SEPTIN10: variants seen among roughly 807,000 people sequenced by gnomAD.
SEPTIN10 encodes septin-10.
A neutral mutation model predicts 54.8 loss-of-function variants in SEPTIN10; 66 were observed. The observed-to-expected ratio is 1.21, with a 90% CI of 0.99 to 1.48. The LOEUF (loss-of-function observed/expected upper bound fraction) is 1.48, where lower values mean the gene tolerates loss of function less well. Among genes scored for constraint, SEPTIN10 ranks in the 40% most tolerant of loss-of-function variants. The probability of loss-of-function intolerance (pLI) is 0.00; values close to 1 mark genes in which losing one functional copy is unlikely to be tolerated. For synonymous variants in SEPTIN10, 161 were observed against 181.0 expected, an observed-to-expected ratio of 0.89 and a Z score of 0.89; for missense variants, 620 against 545.6, an observed-to-expected ratio of 1.14 and a Z score of -1.36.
At chr2:109,577,912 C>CAAAAAAAA (rs745439822) in intron 4 of SEPTIN10, among the ~76,000 whole-genome samples, 1 of 92,344 alleles carries the variant, frequency 1.1e-5, no homozygotes, top group African/African-American at 4.1e-5. Context: ...GACTTTGTCT[C>CAAAAAAAA]AAAAAAAAAA....
At chr2:109,595,174 C>T (rs1695042738) in intron 1 of SEPTIN10, among the ~76,000 whole-genome samples, 1 of 152,084 alleles carries the variant, frequency 6.6e-6, no homozygotes, top group Admixed American at 6.6e-5. Flanking sequence ...GGCCTGAGCC[C>T]CCACGCCCAG....
intron 4 of SEPTIN10, among the ~76,000 whole-genome samples, chr2:109,575,368 TAAGTA>T (rs1689452232): frequency 6.6e-6 from 1 of 152,242 alleles, no homozygotes; most frequent in African/African-American, 2.4e-5. Context: ...ACAAAAAGCC[TAAGTA>T]AAGAAGAAAG....
Position 109,565,781 on chromosome 2 carries a change from G to T in SEPTIN10, c.841C>A (p.Pro281Thr). The T allele has an allele frequency of 6.2e-7, 1 of 1,613,734 alleles. No individual in the cohort carries two copies. Among genetic ancestry groups the T allele is most frequent in the Non-Finnish European group, 8.5e-7 (1 of 1,179,870 alleles). ...CATTTACCTTGTACAACACCCCAAG[G>T]GTACTGGCGAGCTTTGACCATCTTG... ...GNKMVKARQY[P>T]WGVVQVENEN... The change falls in exon 7 of 11, where the codon CCT (proline) becomes ACT (threonine). Residue 281 changes from proline (P) to threonine (T), a missense_variant. By Grantham distance (38) the Pro-to-Thr change is conservative (BLOSUM62 -1). Coordinates refer to ENST00000397712, the MANE Select transcript of SEPTIN10 (RefSeq NM_144710.5).
chr2:109,567,686 T>C lies in SEPTIN10; in HGVS notation c.762+129A>G, dbSNP rs912648528. 7 of 938,644 alleles carry C rather than the reference T, an allele frequency of 7.5e-6. No individual in the cohort carries two copies. In the Admixed American group the frequency reaches 1.7e-4, roughly 23 times the overall value. The allele number at this position is 938,644 out of a possible 1,614,324, so 58.1% of individuals were successfully genotyped here. On this transcript the variant is annotated intron_variant, in intron 6 of 10. Transcript: ENST00000397712. The stretch of plus-strand genomic sequence containing the variant: ...TAAACATTTTCTCATACTGGACTTT[T>C]TGAAAATTCACCTTGTTTGAAGTCT...
At chr2:109,547,369 GT>G (rs35573327) in intron 9 of SEPTIN10, among the ~76,000 whole-genome samples, 3,987 of 117,814 alleles carry the variant, frequency 0.034, 131 homozygotes, top group African/African-American at 0.11. Flanking sequence ...TAATAAACTT[GT>G]TTTTTTTTTT....
chr2:109,588,024 G>A (rs1051238320), intron 2 of SEPTIN10, among the ~76,000 whole-genome samples: 1 of 151,938 alleles, frequency 6.6e-6, no homozygotes, highest in Admixed American at 6.6e-5. Flanking sequence ...CTCAGAAGGC[G>A]GACATTGCAG....
Position 109,585,825 on chromosome 2 carries a change from A to G in SEPTIN10, c.113T>C (p.Ile38Thr). ...ATGGCCAGACATAGTCAACGAACGA[A>G]TGTTTTCTCTTTTCTGAAGGAAAAT... ...SDDEQIKREN[I>T]RSLTMSGHVG... is the part of the protein sequence containing the mutation. The change falls in exon 3 of 11, where the codon ATT becomes ACT. Residue 38 changes from isoleucine to threonine, a missense_variant. Ile to Thr is a moderately conservative substitution (Grantham distance 89). Coordinates refer to ENST00000397712, the MANE Select transcript of SEPTIN10 (RefSeq NM_144710.5). 6.2e-7 allele frequency: 1 copy of G among 1,608,312 alleles called. No individual in the cohort carries two copies. The highest frequency in any genetic ancestry group is 8.5e-7 in the Non-Finnish European group (1 of 1,177,052).
chr2:109,547,782 T>TA (rs1449134169), intron 9 of SEPTIN10, among the ~76,000 whole-genome samples: 3 of 152,216 alleles, frequency 2.0e-5, no homozygotes, highest in African/African-American at 4.8e-5. Context: ...CTAACGTTTT[T>TA]ACCATGATGG....
At chr2:109,578,558 G>C (rs1690281992) in intron 4 of SEPTIN10, among the ~76,000 whole-genome samples, 1 of 152,180 alleles carries the variant, frequency 6.6e-6, no homozygotes, top group Non-Finnish European at 1.5e-5. Flanking sequence ...CCTGAGGTCA[G>C]GAGTTCGAGG....
intron 3 of SEPTIN10, 96 bp downstream of exon 3, chr2:109,585,625 A>G (rs768726107): frequency 2.9e-5 from 26 of 897,180 alleles, no homozygotes; most frequent in Non-Finnish European, 4.0e-5. Flanking sequence ...CATGATTTCA[A>G]ATTGATAACA....
At position 109,613,780 on chromosome 2, in the gene SEPTIN10, G is replaced by T; in HGVS notation, c.30+18C>A. 1 of 1,223,226 alleles carries T rather than the reference G, an allele frequency of 8.2e-7. No homozygotes were observed. The highest frequency in any genetic ancestry group is 4.1e-5 in the South Asian group (1 of 24,546). 75.8% of individuals were successfully genotyped at this position (1,223,226 alleles called of 1,614,324 possible). On this transcript the variant is annotated intron_variant, in intron 1 of 10. Transcript: ENST00000397712. ...CCGGGGAGCGCGGGGCTGGGGCCCC[G>T]GCGTCGGCGGGACTCACCAGGTGCC...
intron 7 of SEPTIN10, 140 bp downstream of exon 7, chr2:109,565,623 C>T (rs998905236): frequency 1.1e-5 from 8 of 732,782 alleles, no homozygotes; most frequent in Admixed American, 2.2e-5. Flanking sequence ...GGCCTCCAGA[C>T]TTTGGCTAAA....
At chr2:109,592,694 C>A (rs1203881101) in intron 2 of SEPTIN10, among the ~76,000 whole-genome samples, 1 of 138,182 alleles carries the variant, frequency 7.2e-6, no homozygotes, top group Non-Finnish European at 1.6e-5. Context: ...ACAAGAGAAT[C>A]GCTTGAACCC....
chr2:109,613,932 G>C lies in SEPTIN10; in HGVS notation c.-105C>G. 1 of 1,221,276 alleles carries C rather than the reference G, an allele frequency of 8.2e-7. No homozygotes were observed. Among genetic ancestry groups the C allele is most frequent in the Non-Finnish European group, 1.0e-6 (1 of 980,984 alleles). The allele number at this position is 1,221,276 out of a possible 1,614,324, so 75.7% of individuals were successfully genotyped here. A position where few individuals can be genotyped will look rare whatever the true frequency, so the allele number is the denominator to read the frequency against. On this transcript the variant is annotated 5_prime_UTR_variant, in exon 1 of 11. Transcript: ENST00000397712. ...CCGGAGGGCAGAAGCAACGGGCGGG[G>C]CGCGAGGCTAGGCTGCCTCCGCGAC...
intron 6 of SEPTIN10, among the ~76,000 whole-genome samples, 159 bp downstream of exon 6, chr2:109,567,656 A>G (rs899844863): frequency 1.3e-5 from 2 of 152,260 alleles, no homozygotes; most frequent in African/African-American, 2.4e-5. Flanking sequence ...TCCAACTTAA[A>G]AAACTAAACA....
chr2:109,576,405 A>C (rs1689701239), intron 4 of SEPTIN10, among the ~76,000 whole-genome samples: 1 of 152,048 alleles, frequency 6.6e-6, no homozygotes, highest in Non-Finnish European at 1.5e-5. Context: ...GGCCTCAAAA[A>C]ATGATATTTT....
intron 8 of SEPTIN10, among the ~76,000 whole-genome samples, chr2:109,559,909 GCCTTTTTTTT>G (rs1685231571): frequency 8.7e-6 from 1 of 115,178 alleles, no homozygotes; most frequent in African/African-American, 3.8e-5. Flanking sequence ...TCCAACCAAT[GCCTTTTTTTT>G]TTTTTTTTTT....
At chr2:109,577,451 G>A (rs1373128777) in intron 4 of SEPTIN10, among the ~76,000 whole-genome samples, 1 of 151,596 alleles carries the variant, frequency 6.6e-6, no homozygotes, top group Non-Finnish European at 1.5e-5. Context: ...AAATTAGCTG[G>A]GCATGATGGC....
At chr2:109,548,529 C>T (rs1044042443) in intron 9 of SEPTIN10, among the ~76,000 whole-genome samples, 14 of 151,930 alleles carry the variant, frequency 9.2e-5, no homozygotes, top group East Asian at 3.9e-4. Flanking sequence ...AAGGGGGAGA[C>T]GTTTGGGAGG....
Sources: allele counts gnomAD v4.1 joint callset (sites outside exome capture counted in the v4.1 genomes callset), GRCh38; gene constraint gnomAD v4.1.1; transcripts MANE v1.5; gene names NCBI Gene and HGNC (gene_info 2026-07-23, HGNC 2026-07-21).